ARHGEF33: variants seen among roughly 807,000 people sequenced by gnomAD.
ARHGEF33 encodes the protein DH and coiled-coil domain-containing protein ENSP00000381780.
A neutral mutation model predicts 101.9 loss-of-function variants in ARHGEF33; 72 were observed. That is an observed-to-expected ratio of 0.71 (90% CI 0.58 to 0.86). The LOEUF (loss-of-function observed/expected upper bound fraction) is 0.86, where lower values mean the gene tolerates loss of function less well. Among genes scored for constraint, ARHGEF33 ranks in the 40% least tolerant of loss-of-function variants. The pLI is 0.00. For synonymous variants in ARHGEF33, 499 were observed against 442.5 expected (o/e 1.13, Z -1.60); for missense variants, 1,169 against 1,111.3 (o/e 1.05, Z -0.74).
intron 7 of ARHGEF33, among the ~76,000 whole-genome samples, chr2:38,932,031 A>G (rs1667016078): frequency 6.6e-6 from 1 of 152,330 alleles, no homozygotes; most frequent in South Asian, 2.1e-4. Context: ...CTCATAGACA[A>G]TGTGTATTCT....
chr2:38,926,603 A>G (rs1230150554), intron 4 of ARHGEF33, among the ~76,000 whole-genome samples: 1 of 152,204 alleles, frequency 6.6e-6, no homozygotes, highest in African/African-American at 2.4e-5. Flanking sequence ...AAATGGGCAC[A>G]TGACTCAAAA....
chr2:38,925,792 T>G (rs1666856490), intron 4 of ARHGEF33, among the ~76,000 whole-genome samples: 1 of 152,192 alleles, frequency 6.6e-6, no homozygotes, highest in African/African-American at 2.4e-5. Flanking sequence ...TCCCAAACCT[T>G]GACATTTATG....
chr2:38,922,178 C>A (rs1196788881), intron 4 of ARHGEF33, among the ~76,000 whole-genome samples: 1 of 152,106 alleles, frequency 6.6e-6, no homozygotes, highest in Non-Finnish European at 1.5e-5. Context: ...AATATAAAAG[C>A]AGCTTGGGCT....
At position 38,929,030 on chromosome 2, in the gene ARHGEF33, G is replaced by T. The variant is rs1666934244; in HGVS notation, c.199G>T (p.Glu67Ter). The T allele has an allele frequency of 6.4e-7, 1 of 1,550,810 alleles. No homozygotes were observed. The highest frequency in any genetic ancestry group is 1.2e-5 in the South Asian group (1 of 83,944). Residue 67 changes from glutamate (E) to a stop codon, truncating the protein, a stop_gained, in exon 5 of 18, where the codon GAA becomes TAA. Transcript: ENST00000409978. LOFTEE classifies it high-confidence loss of function. ...TAAGAGCTGCAGATGTTCCATGGAA[G>T]AAAAAGTTACTGAGATGAAGAATTC... ...KVKSCRCSME[E>*]KVTEMKNSLN...
chr2:38,918,887 A>C (rs923243339), intron 2 of ARHGEF33, among the ~76,000 whole-genome samples: 2 of 151,648 alleles, frequency 1.3e-5, no homozygotes, highest in Non-Finnish European at 2.9e-5. Context: ...CAAAAAAAAA[A>C]AAAAAAAACA....
At chr2:38,967,202 T>C (rs1668068045) in intron 17 of ARHGEF33, among the ~76,000 whole-genome samples, 1 of 152,228 alleles carries the variant, frequency 6.6e-6, no homozygotes, top group Non-Finnish European at 1.5e-5. Context: ...GAGTGAGGAC[T>C]TTGTTTTTGC....
At chr2:38,962,676 T>C (rs1667970591) in intron 16 of ARHGEF33, among the ~76,000 whole-genome samples, 1 of 151,990 alleles carries the variant, frequency 6.6e-6, no homozygotes. Flanking sequence ...TTCCCATTAC[T>C]TATTTCTGTT....
chr2:38,960,755 G>C (rs975435172), intron 16 of ARHGEF33, 107 bp downstream of exon 16: 31 of 937,648 alleles, frequency 3.3e-5, no homozygotes, highest in African/African-American at 5.4e-5. Context: ...GCCGGGCCAG[G>C]CTAGGGGGCG....
intron 2 of ARHGEF33, among the ~76,000 whole-genome samples, chr2:38,914,510 T>C (rs1230545863): frequency 1.3e-5 from 2 of 151,878 alleles, no homozygotes; most frequent in South Asian, 2.1e-4. Flanking sequence ...CTACTAAAAA[T>C]ACAACAATTA....
At position 38,935,790 on chromosome 2, in the gene ARHGEF33, C is replaced by A; in HGVS notation, c.521C>A (p.Ser174Tyr). The change falls in exon 8 of 18, where the codon TCT becomes TAT. Residue 174 changes from serine (S) to tyrosine (Y), a missense_variant. By Grantham distance (144) the Ser-to-Tyr change is moderately radical. Transcript: ENST00000409978. ...TTCTCTGCAGCCCAAGAGTCCAGAT[C>A]TGTTCATGTAGGAGACAGTAATGTA... ...QAYEKAQESR[S>Y]VHVGDSNVKG... is the part of the protein sequence containing the mutation. 6.4e-7 allele frequency: 1 copy of A among 1,552,062 alleles called. No individual in the cohort carries two copies. Among genetic ancestry groups the A allele is most frequent in the Non-Finnish European group, 8.7e-7 (1 of 1,146,960 alleles).
intron 4 of ARHGEF33, among the ~76,000 whole-genome samples, chr2:38,926,829 C>G (rs1336651662): frequency 6.6e-6 from 1 of 151,874 alleles, no homozygotes; most frequent in Non-Finnish European, 1.5e-5. Context: ...TTTTTCCAAG[C>G]AGGAAACCTA....
chr2:38,952,740 C>G (rs1010135555), intron 11 of ARHGEF33, among the ~76,000 whole-genome samples: 4 of 151,924 alleles, frequency 2.6e-5, no homozygotes, highest in Non-Finnish European at 5.9e-5. Flanking sequence ...ACTCTGTCCC[C>G]TAGGCTGGAG....
chr2:38,892,199 A>C (rs1370250777), intron 1 of ARHGEF33, among the ~76,000 whole-genome samples: 1 of 152,174 alleles, frequency 6.6e-6, no homozygotes, highest in Admixed American at 6.5e-5. Context: ...TACTTATCTC[A>C]AATGATTTGA....
At chr2:38,952,594 T>A (rs1667639309) in intron 11 of ARHGEF33, among the ~76,000 whole-genome samples, 1 of 152,186 alleles carries the variant, frequency 6.6e-6, no homozygotes, top group Non-Finnish European at 1.5e-5. Flanking sequence ...TGAACCTCCC[T>A]CCTCCCTGGT....
chr2:38,911,941 G>A (rs1666517642), intron 2 of ARHGEF33, among the ~76,000 whole-genome samples: 1 of 152,210 alleles, frequency 6.6e-6, no homozygotes, highest in African/African-American at 2.4e-5. Flanking sequence ...GACAAGAACA[G>A]AGAGGCTCTG....
intron 4 of ARHGEF33, among the ~76,000 whole-genome samples, chr2:38,927,716 C>G (rs904090299): frequency 1.3e-5 from 2 of 152,116 alleles, no homozygotes; most frequent in Non-Finnish European, 2.9e-5. Context: ...AAAACAACAA[C>G]AACAACAAAA....
chr2:38,960,859 T>TGGCAGCCTGTTCTCCAGTACCA (rs1667918289), intron 16 of ARHGEF33, among the ~76,000 whole-genome samples: 1 of 151,950 alleles, frequency 6.6e-6, no homozygotes, highest in Non-Finnish European at 1.5e-5. Flanking sequence ...GGAAGGCGAG[T>TGGCAGCCTGTTCTCCAGTACCA]GGCAGCGCCT....
At chr2:38,894,303 G>T (rs1666072577) in intron 1 of ARHGEF33, among the ~76,000 whole-genome samples, 1 of 151,436 alleles carries the variant, frequency 6.6e-6, no homozygotes, top group Admixed American at 6.6e-5. Context: ...CTGCACTCCA[G>T]CCTGGGCTTC....
chr2:38,890,414 T>C (rs1410251878), intron 1 of ARHGEF33, among the ~76,000 whole-genome samples: 2 of 152,120 alleles, frequency 1.3e-5, no homozygotes, highest in Non-Finnish European at 2.9e-5. Context: ...TATTCCTTTC[T>C]AACACAGAAA....
Sources: gnomAD v4.1 joint callset for allele counts (sites outside exome capture counted in the v4.1 genomes callset) on GRCh38, gnomAD v4.1.1 for gene constraint, MANE v1.5 for transcripts, NCBI Gene and HGNC (gene_info 2026-07-23, HGNC 2026-07-21) for gene names.